Variants in ADGRA2 observed in about 807,000 individuals in gnomAD.
ADGRA2 encodes the protein adhesion G protein-coupled receptor A2.
Under a neutral mutation model 98.7 loss-of-function variants are expected in ADGRA2, and 61 were observed. The ratio of observed to expected loss-of-function variants is 0.62; its 90% CI spans 0.50 to 0.76. The LOEUF is 0.76. ADGRA2 is among the 30% of genes least tolerant of loss of function. The pLI, the probability that ADGRA2 is intolerant of heterozygous loss-of-function variation, is 0.00. For missense variants in ADGRA2, 1,712 were observed against 1,860.0 expected (o/e 0.92, Z 1.46); for synonymous variants, 858 against 831.5 (o/e 1.03, Z -0.55).
intron 3 of ADGRA2, 31 bp from the exon 4 acceptor site, chr8:37,829,230 C>T (rs756051271): frequency 5.1e-6 from 8 of 1,583,268 alleles, no homozygotes; most frequent in Non-Finnish European, 6.1e-6. Flanking sequence ...GCCACGTGGC[C>T]AACATGCTGA....
chr8:37,838,851 C>A, intron 14 of ADGRA2, 105 bp from the exon 15 acceptor site: 1 of 1,369,410 alleles, frequency 7.3e-7, no homozygotes, highest in South Asian at 1.5e-5. Context: ...AACTAAGCAC[C>A]AAAGTGCAGG....
intron 2 of ADGRA2, among the ~76,000 whole-genome samples, chr8:37,820,715 T>C (rs1805102823): frequency 6.6e-6 from 1 of 152,258 alleles, no homozygotes; most frequent in Non-Finnish European, 1.5e-5. Flanking sequence ...TTGCATGGCC[T>C]CCTTGGCTGA....
In ADGRA2 at chr8:37,840,814, A is replaced by G. The variant is rs1369184304; in HGVS notation, c.2712A>G (p.Ala904=). Residue 904 remains alanine, a synonymous_variant, in exon 18 of 19, where the codon GCA becomes GCG. Coordinates refer to ENST00000412232, the MANE Select transcript of ADGRA2 (RefSeq NM_032777.10). ...IPLIICGITA[A]VNIHNYRDHS... ...TCATTATCTGTGGCATCACAGCTGC[A>G]GTCAACATCCACAACTACCGGGACC... 6 of 1,609,960 alleles carry G rather than the reference A, an allele frequency of 3.7e-6. No individual in the cohort carries two copies. The highest frequency in any genetic ancestry group is 2.2e-5 in the East Asian group (1 of 44,864).
In ADGRA2 at chr8:37,841,457, T is replaced by G. The variant is rs756174004; in HGVS notation, c.3119T>G (p.Val1040Gly). 2 of 1,612,936 alleles carry G rather than the reference T, an allele frequency of 1.2e-6. No individual in the cohort carries two copies. Among genetic ancestry groups the G allele is most frequent in the East Asian group, 4.5e-5 (2 of 44,868 alleles). The change falls in exon 19 of 19, where the codon GTG (valine) becomes GGG (glycine). Residue 1040 changes from valine to glycine, a missense_variant. Coordinates refer to ENST00000412232, the MANE Select transcript of ADGRA2 (RefSeq NM_032777.10). This position sits in a 1 kb window ranked among gnomAD's most constrained non-coding sequence, Gnocchi z 5.0. The stretch of plus-strand genomic sequence containing the variant: ...ATGTGGGCCTGCGGGGCTCTGGCAG[T>G]GTCCCAGCGCTGGCTGCCCCGGGTG... ...LAMWACGALA[V>G]SQRWLPRVVC...
In ADGRA2 at chr8:37,833,036, C is replaced by T. The variant is rs1563349460; in HGVS notation, c.1124C>T (p.Thr375Ile). 1 of 1,613,280 alleles carries T rather than the reference C, an allele frequency of 6.2e-7. No homozygotes were observed. The highest frequency in any genetic ancestry group is 1.3e-5 in the African/African-American group (1 of 75,062). ...FRWPRTLAGI[T>I]AYQSCLQYPF... The stretch of plus-strand genomic sequence containing the variant: ...TGGCCCCGAACTCTGGCTGGCATCA[C>T]AGCCTACCAGTCCTGCCTGCAGTAT... The change falls in exon 9 of 19, where the codon ACA (threonine) becomes ATA (isoleucine). Residue 375 changes from threonine to isoleucine, a missense_variant. Physicochemically the swap from Thr to Ile is moderately conservative, Grantham distance 89 (BLOSUM62 -1). Transcript: ENST00000412232.
rs1805556445 is a variant in ADGRA2, at chr8:37,834,692, G to A, written c.1609-482G>A. On this transcript the variant is annotated intron_variant, in intron 11 of 18. Coordinates refer to ENST00000412232, the MANE Select transcript of ADGRA2 (RefSeq NM_032777.10). This position sits in a 1 kb window ranked among gnomAD's most constrained non-coding sequence, Gnocchi z 4.2. Reference sequence around the variant, plus strand: ...GAGGATCTCCCAAGGCCAGGAGTTGGAGACCAGCCTGGGCAACAGAGAGAC... The same window carrying A: ...GAGGATCTCCCAAGGCCAGGAGTTGAAGACCAGCCTGGGCAACAGAGAGAC... Among the ~76,000 whole-genome samples the A allele has an allele frequency of 6.6e-6, 1 of 152,020 alleles. No individual in the cohort carries two copies. The highest frequency in any genetic ancestry group is 1.5e-5 in the Non-Finnish European group (1 of 68,010).
chr8:37,797,743 G>T lies in ADGRA2; in HGVS notation c.266+209G>T, dbSNP rs1240986709. On this transcript the variant is annotated intron_variant, in intron 1 of 18. Coordinates refer to ENST00000412232, the MANE Select transcript of ADGRA2 (RefSeq NM_032777.10). The surrounding 1 kb of genome is among the most constrained non-coding windows in gnomAD (Gnocchi z 5.3). ...GCGTGGAGGCGGGAAGGGGCTGCGG[G>T]GGACAGGCGCACCCCAGAGAAAGGC... 1.3e-5 allele frequency among the ~76,000 whole-genome samples: 2 copies of T among 152,204 alleles called. No individual in the cohort carries two copies. The highest frequency in any genetic ancestry group is 4.8e-5 in the African/African-American group (2 of 41,470).
chr8:37,823,098 G>T (rs910007142), intron 2 of ADGRA2, among the ~76,000 whole-genome samples: 2 of 151,454 alleles, frequency 1.3e-5, no homozygotes, highest in East Asian at 1.9e-4. Context: ...TCACCATGTT[G>T]GTCAGGCTGG....
chr8:37,842,989 T>A lies in ADGRA2; in HGVS notation c.*634T>A, dbSNP rs1223630690. On this transcript the variant is annotated 3_prime_UTR_variant, in exon 19 of 19. Coordinates refer to ENST00000412232, the MANE Select transcript of ADGRA2 (RefSeq NM_032777.10). Reference sequence around the variant, plus strand: ...GAGGGGAGTGGGAACCGGGCACAACTAGGAACAATGCCACCATTCCCACAG... The same window carrying A: ...GAGGGGAGTGGGAACCGGGCACAACAAGGAACAATGCCACCATTCCCACAG... The A allele has an allele frequency of 6.6e-6, 1 of 152,586 alleles. No homozygotes were observed. Among genetic ancestry groups the A allele is most frequent in the African/African-American group, 2.4e-5 (1 of 41,490 alleles). The allele number at this position is 152,586 out of a possible 1,614,324, so 9.5% of individuals were successfully genotyped here. A position where few individuals can be genotyped will look rare whatever the true frequency, so the allele number is the denominator to read the frequency against.
At chr8:37,804,806 A>G (rs1415760057) in intron 1 of ADGRA2, among the ~76,000 whole-genome samples, 1 of 152,200 alleles carries the variant, frequency 6.6e-6, no homozygotes, top group African/African-American at 2.4e-5. Context: ...CTCCACATGG[A>G]TACATGAGCC....
chr8:37,836,076 CA>C (rs1206462665), intron 13 of ADGRA2, among the ~76,000 whole-genome samples: 24 of 151,058 alleles, frequency 1.6e-4, no homozygotes, highest in African/African-American at 4.9e-4. Context: ...CACACACACA[CA>C]CACACACACA....
intron 9 of ADGRA2, among the ~76,000 whole-genome samples, 164 bp from the exon 10 acceptor site, chr8:37,833,524 A>G (rs1193297091): frequency 1.3e-5 from 2 of 152,184 alleles, no homozygotes; most frequent in Non-Finnish European, 2.9e-5. Context: ...TTGGGCTGTG[A>G]TGGTCTCAGC....
intron 2 of ADGRA2, among the ~76,000 whole-genome samples, chr8:37,825,090 TG>T (rs1160571144): frequency 2.0e-5 from 3 of 151,952 alleles, no homozygotes; most frequent in African/African-American, 7.3e-5. Flanking sequence ...CAAGGGGCAA[TG>T]GGTAGCAGGG....
At chr8:37,799,201 C>T (rs992447533) in intron 1 of ADGRA2, among the ~76,000 whole-genome samples, 7 of 152,020 alleles carry the variant, frequency 4.6e-5, no homozygotes, top group Non-Finnish European at 7.4e-5. Context: ...ATAGTGAAAC[C>T]CCGTCTCTAC....
chr8:37,828,813 A>G, intron 2 of ADGRA2, 75 bp from the exon 3 acceptor site: 1 of 1,168,556 alleles, frequency 8.6e-7, no homozygotes, highest in Non-Finnish European at 1.2e-6. Context: ...CCGTGGTGAC[A>G]GTGAGGACCC....
At chr8:37,813,244 A>G (rs1242199803) in intron 1 of ADGRA2, among the ~76,000 whole-genome samples, 1 of 151,990 alleles carries the variant, frequency 6.6e-6, no homozygotes, top group Non-Finnish European at 1.5e-5. Context: ...AATTTTTTTT[A>G]ATTTCTTTTA....
chr8:37,804,100 GACAC>G (rs60565183), intron 1 of ADGRA2, among the ~76,000 whole-genome samples: 6,326 of 106,996 alleles, frequency 0.059, 206 homozygotes, highest in African/African-American at 0.062. Flanking sequence ...CCCACGGTGA[GACAC>G]ACACACACAC....
At chr8:37,803,429 C>T (rs1305289791) in intron 1 of ADGRA2, among the ~76,000 whole-genome samples, 2 of 152,118 alleles carry the variant, frequency 1.3e-5, no homozygotes, top group South Asian at 2.1e-4. Flanking sequence ...GGAAATGGCC[C>T]GGGACTGGGG....
At chr8:37,817,751 T>C (rs1373999323) in intron 2 of ADGRA2, among the ~76,000 whole-genome samples, 2 of 152,168 alleles carry the variant, frequency 1.3e-5, no homozygotes, top group Non-Finnish European at 2.9e-5. Context: ...GCATGGTGGC[T>C]CACGCCTGTA....
Sources: gnomAD v4.1 joint callset for allele counts (sites outside exome capture counted in the v4.1 genomes callset) on GRCh38, gnomAD v4.1.1 for gene constraint, Gnocchi (gnomAD v3.1) non-coding constraint, MANE v1.5 for transcripts, NCBI Gene and HGNC (gene_info 2026-07-23, HGNC 2026-07-21) for gene names.